Variants in FBXO3 observed in about 807,000 individuals in gnomAD.
The protein encoded by FBXO3 is F-box protein 3.
Under a neutral mutation model 64.8 loss-of-function variants are expected in FBXO3, and 17 were observed. The observed-to-expected ratio is 0.26, with a 90% CI of 0.18 to 0.39. The LOEUF is 0.39. Among genes scored for constraint, FBXO3 ranks in the 10% least tolerant of loss-of-function variants. The pLI, the probability that FBXO3 is intolerant of heterozygous loss-of-function variation, is 1.00. For synonymous variants in FBXO3, 182 were observed against 201.6 expected, an observed-to-expected ratio of 0.90 and a Z score of 0.82; for missense variants, 420 against 589.9, an observed-to-expected ratio of 0.71 and a Z score of 2.98.
intron 3 of FBXO3, chr11:33,763,223 A>C (rs1297298437): frequency 9.2e-6 from 4 of 435,428 alleles, no homozygotes; most frequent in East Asian, 7.0e-5. Context: ...CTTCCAGGGA[A>C]CAGAAAAAGA....
At chr11:33,742,128 G>T (rs1319854090) in intron 10 of FBXO3, 44 bp from the exon 11 acceptor site, 4 of 1,446,236 alleles carry the variant, frequency 2.8e-6, no homozygotes, top group Non-Finnish European at 3.6e-6. Context: ...GCATCTATCA[G>T]TTTTTTAGTT....
At chr11:33,744,045 A>G (rs539591464) in intron 10 of FBXO3, 2 of 152,314 alleles carry the variant, frequency 1.3e-5, no homozygotes, top group South Asian at 4.1e-4. Flanking sequence ...TTATTATAAC[A>G]CTAACAACAA....
At chr11:33,770,630 C>A in intron 2 of FBXO3, 111 bp downstream of exon 2, 1 of 741,816 alleles carries the variant, frequency 1.3e-6, no homozygotes, top group Non-Finnish European at 2.2e-6. Context: ...ACGAGAAGAG[C>A]CACCAAAGGA....
intron 4 of FBXO3, among the ~76,000 whole-genome samples, chr11:33,756,356 C>A (rs944784927): frequency 2.0e-5 from 3 of 152,180 alleles, no homozygotes; most frequent in Admixed American, 6.5e-5. Context: ...CTTGATACAA[C>A]CTTTAGCTTA....
chr11:33,759,056 C>T (rs1187154874), intron 3 of FBXO3, among the ~76,000 whole-genome samples: 2 of 152,140 alleles, frequency 1.3e-5, no homozygotes, highest in Admixed American at 1.3e-4. Flanking sequence ...TTAACTTGAA[C>T]TCTATTTTGC....
intron 3 of FBXO3, among the ~76,000 whole-genome samples, chr11:33,766,600 A>T (rs1475644773): frequency 6.6e-6 from 1 of 152,248 alleles, no homozygotes; most frequent in Non-Finnish European, 1.5e-5. Flanking sequence ...GCCAAAACTT[A>T]AGGTAAATAT....
chr11:33,762,628 G>C (rs895914707), intron 3 of FBXO3, among the ~76,000 whole-genome samples: 3 of 151,284 alleles, frequency 2.0e-5, no homozygotes, highest in African/African-American at 7.3e-5. Flanking sequence ...AAACTTATGG[G>C]ACAAACTAAT....
chr11:33,768,797 C>A, intron 3 of FBXO3, 54 bp downstream of exon 3: 1 of 1,595,886 alleles, frequency 6.3e-7, no homozygotes, highest in Non-Finnish European at 8.6e-7. Flanking sequence ...TTAAACTAAC[C>A]TATTTATACT....
Position 33,774,383 on chromosome 11 carries a change from C to G in FBXO3, c.104+11G>C, listed in dbSNP as rs1169144447. 5 of 1,588,082 alleles carry G rather than the reference C, an allele frequency of 3.1e-6. No homozygotes were observed. The highest frequency in any genetic ancestry group is 1.1e-5 in the South Asian group (1 of 88,268). ...ATGCCCCCACCCCTGCCATGCGTGT[C>G]GTCCCATTACTTGATTAGATCCCGA... On this transcript the variant is annotated intron_variant, in intron 1 of 10. Transcript: ENST00000265651.
chr11:33,749,273 C>T (rs559679166), intron 8 of FBXO3, among the ~76,000 whole-genome samples: 7 of 152,248 alleles, frequency 4.6e-5, no homozygotes, highest in Admixed American at 2.6e-4. Flanking sequence ...CTCTCTTTAA[C>T]TGCATGAGAC....
At chr11:33,766,456 GGAGTTGAA>G (rs1855374539) in intron 3 of FBXO3, among the ~76,000 whole-genome samples, 1 of 152,170 alleles carries the variant, frequency 6.6e-6, no homozygotes, top group Non-Finnish European at 1.5e-5. Flanking sequence ...CAACAACAGC[GGAGTTGAA>G]GAGTTGTGAC....
intron 6 of FBXO3, among the ~76,000 whole-genome samples, chr11:33,752,896 T>C (rs1313210394): frequency 1.3e-5 from 2 of 152,236 alleles, no homozygotes; most frequent in African/African-American, 2.4e-5. Context: ...TGTATTTTAA[T>C]CTACCTTATT....
chr11:33,764,588 T>C (rs781693278), intron 3 of FBXO3, among the ~76,000 whole-genome samples: 4 of 152,172 alleles, frequency 2.6e-5, no homozygotes, highest in Non-Finnish European at 5.9e-5. Flanking sequence ...TCCAGTCTAA[T>C]CATCCGTAAA....
At chr11:33,758,623 T>A in intron 3 of FBXO3, 22 bp from the exon 4 acceptor site, 1 of 1,519,592 alleles carries the variant, frequency 6.6e-7, no homozygotes. Flanking sequence ...CAAAAAAGAG[T>A]GAATTGTGAA....
chr11:33,749,366 T>TTG (rs1854895828), intron 8 of FBXO3, among the ~76,000 whole-genome samples: 1 of 151,438 alleles, frequency 6.6e-6, no homozygotes, highest in South Asian at 2.1e-4. Context: ...TACACTTTTT[T>TTG]TTTTTTTTTT....
intron 3 of FBXO3, among the ~76,000 whole-genome samples, chr11:33,763,054 A>G (rs545702192): frequency 1.3e-5 from 2 of 152,336 alleles, no homozygotes; most frequent in African/African-American, 2.4e-5. Flanking sequence ...CAAAATTGAC[A>G]TAAGAATAAA....
chr11:33,771,057 A>G, intron 1 of FBXO3: 1 of 386,210 alleles, frequency 2.6e-6, no homozygotes, highest in Non-Finnish European at 4.8e-6. Flanking sequence ...TGAAACATCT[A>G]CAACTGTAAT....
At chr11:33,757,085 C>T (rs763321911) in intron 4 of FBXO3, 1 of 518,552 alleles carries the variant, frequency 1.9e-6, no homozygotes, top group South Asian at 1.4e-5. Context: ...CTTTGGGATT[C>T]CCTGTACTCA....
chr11:33,765,121 C>T (rs989339420), intron 3 of FBXO3, among the ~76,000 whole-genome samples: 8 of 152,032 alleles, frequency 5.3e-5, no homozygotes, highest in African/African-American at 1.9e-4. Flanking sequence ...AATGGAAAAT[C>T]GGGGGAAATT....
Sources: gnomAD v4.1 joint callset for allele counts (sites outside exome capture counted in the v4.1 genomes callset) on GRCh38, gnomAD v4.1.1 for gene constraint, MANE v1.5 for transcripts, NCBI Gene and HGNC (gene_info 2026-07-23, HGNC 2026-07-21) for gene names.